The following OPA1 variants were observed in gnomAD, a reference collection of about 807,000 sequenced individuals.
The protein encoded by OPA1 is dynamin-like GTPase OPA1, mitochondrial.
In OPA1, 59 loss-of-function variants were observed where a neutral mutation model predicts 152.9. That is an observed-to-expected ratio of 0.39 (90% CI 0.31 to 0.48). The LOEUF (loss-of-function observed/expected upper bound fraction) is 0.48, where lower values mean the gene tolerates loss of function less well. Ranked by LOEUF, OPA1 falls within the 20% of genes least tolerant of loss-of-function variation. The pLI, the probability that OPA1 is intolerant of heterozygous loss-of-function variation, is 0.96. For synonymous variants in OPA1, 400 were observed against 389.9 expected (o/e 1.03, Z -0.31); for missense variants, 1,008 against 1,216.8 (o/e 0.83, Z 2.55).
chr3:193,632,729 A>C (rs1732288009), intron 8 of OPA1, among the ~76,000 whole-genome samples: 1 of 151,576 alleles, frequency 6.6e-6, no homozygotes, highest in Non-Finnish European at 1.5e-5. Context: ...AAAATTAGCC[A>C]GGTGTGGTGG....
At chr3:193,648,274 C>A in intron 20 of OPA1, 140 bp downstream of exon 20, 1 of 645,224 alleles carries the variant, frequency 1.5e-6, no homozygotes. Flanking sequence ...GAATACATCT[C>A]TAGGAGCAGT....
intron 7 of OPA1, 86 bp from the exon 8 acceptor site, chr3:193,631,524 ACT>A (rs1732066756): frequency 3.4e-6 from 3 of 889,040 alleles, no homozygotes; most frequent in African/African-American, 3.4e-5. Flanking sequence ...GTTGTTTTTA[ACT>A]CTCAATACTT....
chr3:193,668,949 C>T, intron 29 of OPA1: 1 of 822,120 alleles, frequency 1.2e-6, no homozygotes, highest in Non-Finnish European at 1.5e-6. Context: ...TTGAGCCTGC[C>T]TTGTTACAAG....
At position 193,631,647 on chromosome 3, in the gene OPA1, A is replaced by T; in HGVS notation, c.825A>T (p.Glu275Asp). The change falls in exon 8 of 31, where the codon GAA becomes GAT. Residue 275 changes from glutamate to aspartate, a missense_variant. Coordinates refer to ENST00000361510, the MANE Select transcript of OPA1 (RefSeq NM_130837.3). ...SDKEKIDQLQ[E>D]ELLHTQLKYQ... Reference sequence around the variant, plus strand: ...AAGAGAAAATTGACCAACTTCAGGAAGAACTTCTGCACACTCAGGTAATCA... The same window carrying T: ...AAGAGAAAATTGACCAACTTCAGGATGAACTTCTGCACACTCAGGTAATCA... 1 of 1,612,392 alleles carries T rather than the reference A, an allele frequency of 6.2e-7. No homozygotes were observed. The highest frequency in any genetic ancestry group is 8.5e-7 in the Non-Finnish European group (1 of 1,178,676).
chr3:193,644,062 C>G lies in OPA1; in HGVS notation c.1565C>G (p.Thr522Ser). 1 of 1,613,554 alleles carries G rather than the reference C, an allele frequency of 6.2e-7. No homozygotes were observed. Among genetic ancestry groups the G allele is most frequent in the Non-Finnish European group, 8.5e-7 (1 of 1,179,788 alleles). ...PHGRRTIFVL[T>S]KVDLAEKNVA... The stretch of plus-strand genomic sequence containing the variant: ...GGAAGGAGAACCATATTCGTTTTGA[C>G]CAAAGTAGACCTGGCAGAGAAAAAT... The change falls in exon 16 of 31, where the codon ACC becomes AGC. Residue 522 changes from threonine to serine, a missense_variant. This residue lies in a region of OPA1 where 213 missense variants were observed against 291.4 expected (regional missense o/e 0.73). Coordinates refer to ENST00000361510, the MANE Select transcript of OPA1 (RefSeq NM_130837.3).
At chr3:193,641,541 C>T (rs774692857) in intron 11 of OPA1, among the ~76,000 whole-genome samples, 6 of 152,140 alleles carry the variant, frequency 3.9e-5, no homozygotes, top group Non-Finnish European at 7.3e-5. Context: ...CTTAATAACT[C>T]GGAATTCCAA....
At chr3:193,631,843 A>G (rs1233059681) in intron 8 of OPA1, 178 bp downstream of exon 8, 10 of 637,758 alleles carry the variant, frequency 1.6e-5, no homozygotes, top group African/African-American at 1.3e-4. Context: ...AGACAGAACT[A>G]GATAAGTATG....
chr3:193,690,100 A>G (rs6793945), intron 29 of OPA1, among the ~76,000 whole-genome samples: 71,410 of 151,494 alleles, frequency 0.47, 17,269 homozygotes, highest in African/African-American at 0.55. Context: ...TTTTGGGAAA[A>G]CAAGAATATT....
At chr3:193,611,465 C>G (rs1728224460) in intron 1 of OPA1, among the ~76,000 whole-genome samples, 2 of 151,968 alleles carry the variant, frequency 1.3e-5, no homozygotes, top group Admixed American at 6.6e-5. Flanking sequence ...GGCATGGTGG[C>G]ACACGCCTGT....
In OPA1 at chr3:193,663,268, C is replaced by T. The variant is rs79665962; in HGVS notation, c.2661+306C>T. 0.034 allele frequency among the ~76,000 whole-genome samples: 5,249 copies of T among 152,162 alleles called. 344 individuals carry two copies. Among genetic ancestry groups the T allele is most frequent in the African/African-American group, 0.12 (5,009 of 41,500 alleles). On this transcript the variant is annotated intron_variant, in intron 26 of 30. Coordinates refer to ENST00000361510, the MANE Select transcript of OPA1 (RefSeq NM_130837.3). ...CGACCTAGACCTTTGCCCCACGTCACGCTGTTTCAGATTGCAAAATAGAAT... is the reference window on the plus strand; with the variant it reads ...CGACCTAGACCTTTGCCCCACGTCATGCTGTTTCAGATTGCAAAATAGAAT...
At chr3:193,596,106 C>T (rs1331815855) in intron 1 of OPA1, among the ~76,000 whole-genome samples, 2 of 151,892 alleles carry the variant, frequency 1.3e-5, no homozygotes, top group South Asian at 2.1e-4. Flanking sequence ...GTTCATCCCA[C>T]GGGATGCATT....
chr3:193,595,859 T>A (rs1725398091), intron 1 of OPA1, among the ~76,000 whole-genome samples: 1 of 152,188 alleles, frequency 6.6e-6, no homozygotes, highest in Admixed American at 6.5e-5. Context: ...CCTCTTAGAT[T>A]GATATGTTAT....
At chr3:193,686,743 C>T (rs1295542372) in intron 29 of OPA1, among the ~76,000 whole-genome samples, 1 of 152,144 alleles carries the variant, frequency 6.6e-6, no homozygotes, top group Non-Finnish European at 1.5e-5. Context: ...CGTTCCTTTA[C>T]TTTTCAGTAC....
chr3:193,629,525 C>G (rs1014287110), intron 7 of OPA1, among the ~76,000 whole-genome samples: 4 of 151,730 alleles, frequency 2.6e-5, no homozygotes, highest in Non-Finnish European at 5.9e-5. Context: ...GGTGAAACCC[C>G]ATCTCTACTA....
rs1734740569 is a variant in OPA1, at chr3:193,646,933, A to G, written c.1755-132A>G. The G allele has an allele frequency of 1.9e-5, 12 of 619,104 alleles. No homozygotes were observed. In the South Asian group the frequency reaches 2.3e-4, roughly 12 times the overall value. 38.4% of individuals were successfully genotyped at this position (619,104 alleles called of 1,614,324 possible). A position where few individuals can be genotyped will look rare whatever the true frequency, so the allele number is the denominator to read the frequency against. On this transcript the variant is annotated intron_variant, in intron 18 of 30. Transcript: ENST00000361510. ...TTGGAATGTTTTCCTCCTCACATAAATTTTTATTGAACAGCACTGGTATGA... is the reference window on the plus strand; with the variant it reads ...TTGGAATGTTTTCCTCCTCACATAAGTTTTTATTGAACAGCACTGGTATGA...
intron 1 of OPA1, among the ~76,000 whole-genome samples, chr3:193,594,043 C>T (rs1024070054): frequency 1.4e-4 from 22 of 152,130 alleles, no homozygotes; most frequent in Admixed American, 1.4e-3. Flanking sequence ...GATGCAAGGT[C>T]GTGAACGTGG....
In OPA1 at chr3:193,689,104, A is replaced by C. The variant is rs575747060; in HGVS notation, c.2984-2959A>C. 10 of 152,340 alleles carry C rather than the reference A, an allele frequency of 6.6e-5. No homozygotes were observed. In the East Asian group the frequency reaches 9.6e-4, roughly 15 times the overall value. 9.4% of individuals were successfully genotyped at this position (152,340 alleles called of 1,614,324 possible). A position where few individuals can be genotyped will look rare whatever the true frequency, so the allele number is the denominator to read the frequency against. ...TGCAAGGTTGTATGAGAACCAAATG[A>C]AACGCCAAATTTGGAAATACATAGT... On this transcript the variant is annotated intron_variant, in intron 29 of 30. Transcript: ENST00000361510.
chr3:193,625,796 T>C (rs1429295050), intron 6 of OPA1, among the ~76,000 whole-genome samples: 1 of 151,892 alleles, frequency 6.6e-6, no homozygotes, highest in Non-Finnish European at 1.5e-5. Context: ...AAAAAATCAG[T>C]ATTTTTTCTC....
At chr3:193,617,942 T>A (rs1560333079) in intron 5 of OPA1, 105 bp downstream of exon 5, 1 of 780,858 alleles carries the variant, frequency 1.3e-6, no homozygotes, top group Non-Finnish European at 2.3e-6. Context: ...CTGCTTATGC[T>A]GAATTTTAAA....
Sources: allele counts gnomAD v4.1 joint callset (sites outside exome capture counted in the v4.1 genomes callset), GRCh38; gene constraint gnomAD v4.1.1; regional missense constraint gnomAD v4.1.1; transcripts MANE v1.5; gene names NCBI Gene and HGNC (gene_info 2026-07-23, HGNC 2026-07-21).